RALYL: variants seen among roughly 807,000 people sequenced by gnomAD.
RALYL encodes RALY RNA binding protein like, also known as RNA-binding Raly-like protein.
Under a neutral mutation model 35.1 loss-of-function variants are expected in RALYL, and 29 were observed. The ratio of observed to expected loss-of-function variants is 0.83; its 90% confidence interval spans 0.61 to 1.13. The LOEUF is 1.13. RALYL is among the 50% of genes most tolerant of loss of function. RALYL has a pLI of 0.00. For synonymous variants in RALYL, 120 were observed against 127.6 expected, an observed-to-expected ratio of 0.94 and a Z score of 0.40; for missense variants, 359 against 360.4, an observed-to-expected ratio of 1.00 and a Z score of 0.03.
chr8:84,622,123 C>A (rs750414688), intron 2 of RALYL, among the ~76,000 whole-genome samples: 3 of 152,026 alleles, frequency 2.0e-5, no homozygotes, highest in African/African-American at 7.2e-5. Flanking sequence ...GAGAAGGAAA[C>A]AATTCAAGAC....
intron 2 of RALYL, among the ~76,000 whole-genome samples, chr8:84,722,647 ATG>A (rs1554546419): frequency 6.1e-4 from 82 of 135,376 alleles, no homozygotes; most frequent in African/African-American, 8.6e-4. Flanking sequence ...ATATATATAT[ATG>A]TATGTATATA....
At chr8:84,394,836 C>T (rs1342184299) in intron 1 of RALYL, among the ~76,000 whole-genome samples, 1 of 151,890 alleles carries the variant, frequency 6.6e-6, no homozygotes, top group African/African-American at 2.4e-5. Context: ...ACAATTCTTA[C>T]AAGCTCACAT....
At chr8:84,259,833 G>C in intron 1 of RALYL, among the ~76,000 whole-genome samples, 1 of 152,122 alleles carries the variant, frequency 6.6e-6, no homozygotes, top group East Asian at 1.9e-4. Flanking sequence ...TGTTTCAGCA[G>C]TCTGGTTGTG....
intron 1 of RALYL, among the ~76,000 whole-genome samples, chr8:84,251,020 C>T (rs1333382497): frequency 1.3e-5 from 2 of 151,940 alleles, no homozygotes; most frequent in African/African-American, 4.8e-5. Context: ...TCTTAAAATT[C>T]GAAAAGGAGT....
intron 1 of RALYL, among the ~76,000 whole-genome samples, chr8:84,363,438 G>A (rs987982494): frequency 1.3e-5 from 2 of 152,148 alleles, no homozygotes; most frequent in African/African-American, 4.8e-5. Flanking sequence ...AGTGATGTGC[G>A]ATGGGTAATG....
At chr8:84,726,722 GT>G (rs1018841384) in intron 2 of RALYL, among the ~76,000 whole-genome samples, 1 of 151,928 alleles carries the variant, frequency 6.6e-6, no homozygotes, top group African/African-American at 2.4e-5. Flanking sequence ...GTTTTATGAA[GT>G]TTTTTTATGG....
At chr8:84,514,832 G>A (rs1203257500) in intron 1 of RALYL, among the ~76,000 whole-genome samples, 1 of 139,212 alleles carries the variant, frequency 7.2e-6, no homozygotes, top group Non-Finnish European at 1.6e-5. Context: ...CCCAGTAATA[G>A]GTTTTTGCAG....
At chr8:84,420,486 T>C (rs2132372211) in intron 1 of RALYL, among the ~76,000 whole-genome samples, 1 of 150,684 alleles carries the variant, frequency 6.6e-6, no homozygotes, top group Non-Finnish European at 1.5e-5. Context: ...TTTTCTCCCA[T>C]GTTGTAGGTT....
chr8:84,779,025 A>G (rs907993145), intron 3 of RALYL, among the ~76,000 whole-genome samples: 2 of 152,244 alleles, frequency 1.3e-5, no homozygotes, highest in African/African-American at 4.8e-5. Flanking sequence ...CTCCCATTAG[A>G]GTCTATTTGT....
chr8:84,847,411 C>A (rs1345156164), intron 4 of RALYL, among the ~76,000 whole-genome samples: 1 of 152,164 alleles, frequency 6.6e-6, no homozygotes, highest in Non-Finnish European at 1.5e-5. Flanking sequence ...ACTGTGTCAC[C>A]TCTCTGTTGA....
At chr8:84,443,451 T>C (rs1267746028) in intron 1 of RALYL, among the ~76,000 whole-genome samples, 2 of 152,188 alleles carry the variant, frequency 1.3e-5, no homozygotes, top group African/African-American at 4.8e-5. Context: ...ATCTAATTTA[T>C]CAGCGAGCAT....
intron 1 of RALYL, among the ~76,000 whole-genome samples, chr8:84,283,215 G>T (rs542391985): frequency 1.5e-4 from 23 of 152,218 alleles, no homozygotes; most frequent in Non-Finnish European, 2.4e-4. Flanking sequence ...AAAGAATTAT[G>T]TGTAAAAGAG....
intron 2 of RALYL, among the ~76,000 whole-genome samples, chr8:84,612,252 A>C (rs553146848): frequency 6.6e-6 from 1 of 152,124 alleles, no homozygotes; most frequent in African/African-American, 2.4e-5. Context: ...ATTTGTTAAA[A>C]AAAACAGCAT....
intron 2 of RALYL, among the ~76,000 whole-genome samples, chr8:84,585,687 T>A (rs1811835083): frequency 6.6e-6 from 1 of 152,154 alleles, no homozygotes; most frequent in South Asian, 2.1e-4. Flanking sequence ...TTGTAGTTAA[T>A]CCCAAAATGC....
chr8:84,718,672 G>A (rs1275533566), intron 2 of RALYL, among the ~76,000 whole-genome samples: 1 of 151,914 alleles, frequency 6.6e-6, no homozygotes, highest in African/African-American at 2.4e-5. Context: ...GGCTGAGGCA[G>A]GAGAATCACT....
chr8:84,658,351 C>T (rs186214988), intron 2 of RALYL, among the ~76,000 whole-genome samples: 66 of 152,270 alleles, frequency 4.3e-4, no homozygotes, highest in African/African-American at 1.3e-3. Context: ...AGAATGGCTA[C>T]GCTGCAGGCT....
chr8:84,254,946 C>G (rs543643384), intron 1 of RALYL, among the ~76,000 whole-genome samples: 1 of 151,828 alleles, frequency 6.6e-6, no homozygotes, highest in South Asian at 2.1e-4. Flanking sequence ...TATGACAACA[C>G]GAACAGCATG....
intron 3 of RALYL, among the ~76,000 whole-genome samples, chr8:84,780,519 A>G (rs1431503804): frequency 6.6e-6 from 1 of 152,202 alleles, no homozygotes; most frequent in East Asian, 1.9e-4. Flanking sequence ...TGAATGTTGA[A>G]ATGCTTTTGT....
At chr8:84,850,591 A>G (rs1835643747) in intron 5 of RALYL, among the ~76,000 whole-genome samples, 1 of 152,230 alleles carries the variant, frequency 6.6e-6, no homozygotes, top group African/African-American at 2.4e-5. Context: ...CTATAAACTA[A>G]TGGGAAACTA....
Sources: allele counts gnomAD v4.1 joint callset (sites outside exome capture counted in the v4.1 genomes callset), GRCh38; gene constraint gnomAD v4.1.1; transcripts MANE v1.5; gene names NCBI Gene and HGNC (gene_info 2026-07-23, HGNC 2026-07-21).